Variants in LMBR1 observed in about 807,000 individuals in gnomAD.
LMBR1 encodes the protein limb region 1 protein homolog.
Under a neutral mutation model 73.9 loss-of-function variants are expected in LMBR1, and 52 were observed. The ratio of observed to expected loss-of-function variants is 0.70; its 90% CI spans 0.56 to 0.89. LMBR1 has a LOEUF of 0.89. Ranked by LOEUF, LMBR1 falls within the 40% of genes least tolerant of loss-of-function variation. The pLI is 0.00. For synonymous variants in LMBR1, 215 were observed against 209.4 expected, an observed-to-expected ratio of 1.03 and a Z score of -0.23; for missense variants, 539 against 579.8, an observed-to-expected ratio of 0.93 and a Z score of 0.72.
chr7:156,776,416 C>T (rs908007358), intron 5 of LMBR1, among the ~76,000 whole-genome samples: 2 of 152,170 alleles, frequency 1.3e-5, no homozygotes, highest in Admixed American at 6.5e-5. Context: ...TCGTAAGTAA[C>T]ATCCTAGCTC....
In LMBR1 at chr7:156,679,851, G is replaced by C. The variant is rs1804701690; in HGVS notation, c.*4227C>G. The C allele has an allele frequency of 6.6e-6, 1 of 152,078 alleles. No homozygotes were observed. Among genetic ancestry groups the C allele is most frequent in the Non-Finnish European group, 1.5e-5 (1 of 68,022 alleles). The allele number at this position is 152,078 out of a possible 1,614,324, so 9.4% of individuals were successfully genotyped here. On this transcript the variant is annotated 3_prime_UTR_variant, in exon 17 of 17. Transcript: ENST00000353442. ...CCAAATCCATATCCAAGAATAATGA[G>C]GTTTTGTGTGAAGTTCCTATTTGAT...
At chr7:156,811,633 T>C (rs982696149) in intron 4 of LMBR1, among the ~76,000 whole-genome samples, 14 of 151,994 alleles carry the variant, frequency 9.2e-5, no homozygotes, top group Non-Finnish European at 1.6e-4. Context: ...ATTGTTTTCA[T>C]GTATTTGTCT....
chr7:156,702,736 T>C (rs1810061752), intron 15 of LMBR1, among the ~76,000 whole-genome samples: 1 of 152,224 alleles, frequency 6.6e-6, no homozygotes, highest in African/African-American at 2.4e-5. Context: ...TAGCATATGA[T>C]CCAAGAAAAA....
chr7:156,840,112 T>C (rs977322730), intron 1 of LMBR1, among the ~76,000 whole-genome samples: 1 of 152,214 alleles, frequency 6.6e-6, no homozygotes, highest in African/African-American at 2.4e-5. Context: ...TTTAAATTCA[T>C]TCACATTTTA....
Position 156,669,175 on chromosome 7 carries a change from G to A in LMBR1, n.979C>T, listed in dbSNP as rs1008164701. On this transcript the variant is annotated non_coding_transcript_exon_variant, in exon 5 of 5. Coordinates refer to the LMBR1 transcript ENST00000430825. This position sits in a 1 kb window ranked among gnomAD's most constrained non-coding sequence, Gnocchi z 4.2. Reference sequence around the variant, plus strand: ...GTGTGCTGACCAGCCCCTCTGGGCAGACACAGGTGCAAGGGCCCAGGTGTG... The same window carrying A: ...GTGTGCTGACCAGCCCCTCTGGGCAAACACAGGTGCAAGGGCCCAGGTGTG... 6.6e-6 allele frequency: 1 copy of A among 152,280 alleles called. No individual in the cohort carries two copies. Among genetic ancestry groups the A allele is most frequent in the African/African-American group, 2.4e-5 (1 of 41,462 alleles). 9.4% of individuals were successfully genotyped at this position (152,280 alleles called of 1,614,324 possible).
At chr7:156,874,827 T>C (rs1000980734) in intron 1 of LMBR1, among the ~76,000 whole-genome samples, 2 of 152,124 alleles carry the variant, frequency 1.3e-5, no homozygotes, top group African/African-American at 4.8e-5. Context: ...CCCTCTGACA[T>C]AGCCTACCCA....
chr7:156,875,182 A>T (rs910279865), intron 1 of LMBR1, among the ~76,000 whole-genome samples: 1 of 152,206 alleles, frequency 6.6e-6, no homozygotes, highest in African/African-American at 2.4e-5. Flanking sequence ...AATAGACTCA[A>T]ATAAGCAGAA....
chr7:156,838,024 G>C (rs28435182), intron 1 of LMBR1, among the ~76,000 whole-genome samples: 54,152 of 151,934 alleles, frequency 0.36, 9,927 homozygotes, highest in East Asian at 0.57. Flanking sequence ...CTGACCTCAA[G>C]TGATCTGCCC....
At chr7:156,777,692 T>G (rs1057270769) in intron 5 of LMBR1, among the ~76,000 whole-genome samples, 1 of 152,242 alleles carries the variant, frequency 6.6e-6, no homozygotes, top group African/African-American at 2.4e-5. Context: ...CTTACTGCTG[T>G]GGCCAAGAAC....
chr7:156,838,096 CTTTT>C (rs1837985864), intron 1 of LMBR1, among the ~76,000 whole-genome samples: 2 of 151,980 alleles, frequency 1.3e-5, no homozygotes, highest in Non-Finnish European at 2.9e-5. Flanking sequence ...CCTAATTTTG[CTTTT>C]TTAATTGACA....
intron 4 of LMBR1, among the ~76,000 whole-genome samples, chr7:156,815,015 G>T (rs1016979338): frequency 6.6e-6 from 1 of 151,872 alleles, no homozygotes; most frequent in African/African-American, 2.4e-5. Flanking sequence ...AATTAGCCAG[G>T]CATGGTGGCA....
intron 1 of LMBR1, among the ~76,000 whole-genome samples, chr7:156,837,293 C>T (rs557549624): frequency 1.7e-4 from 26 of 149,634 alleles, no homozygotes; most frequent in African/African-American, 6.4e-4. Context: ...CAAGATCACA[C>T]CATCGCACTC....
chr7:156,820,000 A>G (rs777526046), intron 4 of LMBR1, among the ~76,000 whole-genome samples: 2 of 152,206 alleles, frequency 1.3e-5, no homozygotes, highest in Non-Finnish European at 2.9e-5. Context: ...CTGCATTCTT[A>G]GAGGGATTTC....
chr7:156,871,249 G>C (rs1429564947), intron 1 of LMBR1, among the ~76,000 whole-genome samples: 2 of 152,072 alleles, frequency 1.3e-5, no homozygotes, highest in East Asian at 3.9e-4. Context: ...TCATGAAGAA[G>C]TAGAAAGTCT....
At chr7:156,759,661 A>G in intron 8 of LMBR1, among the ~76,000 whole-genome samples, 1 of 152,252 alleles carries the variant, frequency 6.6e-6, no homozygotes, top group Non-Finnish European at 1.5e-5. Flanking sequence ...CTTTGAGGAT[A>G]CTGTTAATGT....
In LMBR1 at chr7:156,756,459, CA is replaced by C; in HGVS notation, c.690del (p.Glu231LysfsTer12). ...MGQLLVKPTI[L>X]EDLDEQIYII... ...ATATAAATTTGTTCATCCAGGTCTT[CA>C]AGAATCTAAATTTAAAGATAAAACT... On this transcript the variant is annotated frameshift_variant, in exon 9 of 17. Coordinates refer to ENST00000353442, the MANE Select transcript of LMBR1 (RefSeq NM_022458.4). LOFTEE classifies it high-confidence loss of function. The C allele has an allele frequency of 6.9e-7, 1 of 1,446,800 alleles. No individual in the cohort carries two copies. Among genetic ancestry groups the C allele is most frequent in the East Asian group, 2.3e-5 (1 of 43,296 alleles). 89.6% of individuals were successfully genotyped at this position (1,446,800 alleles called of 1,614,324 possible).
chr7:156,773,332 T>TA (rs760002295), intron 5 of LMBR1, among the ~76,000 whole-genome samples: 251 of 151,606 alleles, frequency 1.7e-3, no homozygotes, highest in African/African-American at 3.2e-3. Flanking sequence ...TTCACAGAAT[T>TA]AAAAAAAACT....
intron 15 of LMBR1, among the ~76,000 whole-genome samples, chr7:156,699,044 G>A: frequency 6.6e-6 from 1 of 152,210 alleles, no homozygotes; most frequent in East Asian, 1.9e-4. Context: ...ATGCTTTGCT[G>A]CTTAGAAATT....
chr7:156,770,963 A>C (rs762054226), intron 5 of LMBR1, among the ~76,000 whole-genome samples: 4 of 152,170 alleles, frequency 2.6e-5, no homozygotes, highest in African/African-American at 7.2e-5. Flanking sequence ...AGTAAGTATA[A>C]TAAAAAAGAG....
Sources: gnomAD v4.1 joint callset for allele counts (sites outside exome capture counted in the v4.1 genomes callset) on GRCh38, gnomAD v4.1.1 for gene constraint, Gnocchi (gnomAD v3.1) non-coding constraint, MANE v1.5 for transcripts, NCBI Gene and HGNC (gene_info 2026-07-23, HGNC 2026-07-21) for gene names.